MFSD12: variants seen among roughly 807,000 people sequenced by gnomAD.
MFSD12 encodes major facilitator superfamily domain containing 12.
Under a neutral mutation model 51.2 loss-of-function variants are expected in MFSD12, and 67 were observed. The observed-to-expected ratio is 1.31, with a 90% confidence interval of 1.08 to 1.60. The LOEUF is 1.60. MFSD12 is among the 40% of genes most tolerant of loss of function. The pLI is 0.00. For missense variants in MFSD12, 921 were observed against 673.0 expected (o/e 1.37, Z -4.08); for synonymous variants, 441 against 316.7 (o/e 1.39, Z -4.17).
chr19:3,545,032 G>T (rs1023649939), intron 8 of MFSD12, 93 bp from the exon 9 acceptor site: 20 of 1,467,316 alleles, frequency 1.4e-5, no homozygotes, highest in Admixed American at 1.1e-4. Context: ...CCCGACAGCG[G>T]CTCCGTCCTG....
At chr19:3,549,583 G>C (rs190684456) in intron 2 of MFSD12, among the ~76,000 whole-genome samples, 10 of 151,208 alleles carry the variant, frequency 6.6e-5, no homozygotes, top group Admixed American at 2.6e-4. Context: ...ATTAGCCGGG[G>C]GTGGTGGCGG....
chr19:3,540,370 G>C (rs558371172), downstream of MFSD12, among the ~76,000 whole-genome samples: 1 of 151,516 alleles, frequency 6.6e-6, no homozygotes, highest in African/African-American at 2.4e-5. Context: ...CGATTCTCCT[G>C]CCTCAGCCTC....
chr19:3,541,819 TTTGTG>T (rs1468492789), downstream of MFSD12: 1 of 983,308 alleles, frequency 1.0e-6, no homozygotes, highest in Non-Finnish European at 1.2e-6. Flanking sequence ...TGCTGTTTTG[TTTGTG>T]TTGAGACAGA....
At chr19:3,538,921 G>A (rs2030120300) in intron 4 of MFSD12, 1 of 661,832 alleles carries the variant, frequency 1.5e-6, no homozygotes, top group Non-Finnish European at 2.8e-6. Flanking sequence ...CAGACCCCAG[G>A]TGGGGGGTGC....
rs778255735 is a variant in MFSD12 at position 3,548,025 on chromosome 19, C to A, written c.660G>T (p.Leu220=). Residue 220 remains leucine, a synonymous_variant, in exon 4 of 10, where the codon CTG becomes CTT. Transcript: ENST00000355415. ...GGQDVPVFRN[L]SLLVVGVGAV... is the part of the protein sequence containing the mutation. ...CGCCGACACCCACCACCAGCAGGGA[C>A]AGGTTCTGGGGATGCAGCAGAAGCA... 2 of 1,599,870 alleles carry A rather than the reference C, an allele frequency of 1.3e-6. No homozygotes were observed. The highest frequency in any genetic ancestry group is 1.7e-5 in the Admixed American group (1 of 59,372).
At chr19:3,545,929 G>T in intron 8 of MFSD12, 145 bp downstream of exon 8, 4 of 780,344 alleles carry the variant, frequency 5.1e-6, no homozygotes, top group Non-Finnish European at 8.5e-6. Flanking sequence ...GAAAGGAAAG[G>T]TCTCCCCTGC....
At chr19:3,543,871 C>A, downstream of MFSD12, 1 of 1,549,584 alleles carries the variant, frequency 6.5e-7, no homozygotes, top group South Asian at 1.2e-5. Flanking sequence ...CTGTGGAGGG[C>A]ATCAGACTAC....
chr19:3,548,308 ACCTGGGT>A, intron 2 of MFSD12, 41 bp from the exon 3 acceptor site: 5 of 1,540,982 alleles, frequency 3.2e-6, no homozygotes, highest in Non-Finnish European at 4.4e-6. Context: ...GACGCCAGGA[ACCTGGGT>A]CACTTCCTCC....
At chr19:3,542,702 C>T (rs1256445726), downstream of MFSD12, 17 of 1,265,272 alleles carry the variant, frequency 1.3e-5, no homozygotes, top group East Asian at 1.1e-4. Flanking sequence ...AGGCTGGTCT[C>T]GAACTCCTGA....
Position 3,539,050 on chromosome 19 carries a change from A to C in MFSD12, c.*6-294T>G, listed in dbSNP as rs536425992. Reference sequence around the variant, plus strand: ...GAACGACTCTCCAGCCCTTCCCTCGAGGCCACCTCACCCCGCAGCTGGGAG... The same window carrying C: ...GAACGACTCTCCAGCCCTTCCCTCGCGGCCACCTCACCCCGCAGCTGGGAG... On this transcript the variant is annotated intron_variant, in intron 4 of 4. Coordinates refer to the MFSD12 transcript ENST00000398558. The C allele has an allele frequency of 1.2e-4, 78 of 658,174 alleles. No individual in the cohort carries two copies. The South Asian group carries it at 1.2e-3, about 10-fold the overall frequency. The allele number at this position is 658,174 out of a possible 1,614,324, so 40.8% of individuals were successfully genotyped here.
intron 6 of MFSD12, 21 bp downstream of exon 6, chr19:3,547,251 C>T (rs766611639): frequency 1.9e-6 from 3 of 1,604,024 alleles, no homozygotes; most frequent in South Asian, 2.2e-5. Context: ...CCCCAGCTGT[C>T]CCCGGTCCCC....
downstream of MFSD12, chr19:3,543,512 C>T (rs1283744279): frequency 2.2e-5 from 34 of 1,514,924 alleles, no homozygotes; most frequent in Non-Finnish European, 2.7e-5. Flanking sequence ...GCGGGCCTGC[C>T]AGAGGGGGAC....
At chr19:3,556,073 A>C (rs1388746559) in intron 1 of MFSD12, among the ~76,000 whole-genome samples, 1 of 152,156 alleles carries the variant, frequency 6.6e-6, no homozygotes, top group African/African-American at 2.4e-5. Context: ...GAGGCAATGC[A>C]AGAACAGGGC....
intron 1 of MFSD12, among the ~76,000 whole-genome samples, chr19:3,552,440 T>A (rs1211661714): frequency 6.9e-6 from 1 of 145,730 alleles, no homozygotes; most frequent in East Asian, 2.0e-4. Flanking sequence ...AGTGCTGGGA[T>A]TACAGGCGTG....
chr19:3,555,484 A>G (rs2031684913), intron 1 of MFSD12, among the ~76,000 whole-genome samples: 1 of 152,190 alleles, frequency 6.6e-6, no homozygotes, highest in Non-Finnish European at 1.5e-5. Context: ...GGCTCCGCTC[A>G]GCAACCAATC....
At chr19:3,555,895 C>T (rs1238602379) in intron 1 of MFSD12, among the ~76,000 whole-genome samples, 3 of 152,192 alleles carry the variant, frequency 2.0e-5, no homozygotes, top group South Asian at 2.1e-4. Flanking sequence ...GCCCAGGGTC[C>T]GGGAGGGGAG....
At chr19:3,544,988 C>CT (rs1568253155) in intron 8 of MFSD12, 49 bp from the exon 9 acceptor site, 1 of 1,546,438 alleles carries the variant, frequency 6.5e-7, no homozygotes, top group African/African-American at 1.4e-5. Flanking sequence ...ACCACCCCCC[C>CT]GCCACCCAAG....
At chr19:3,544,070 G>A (rs890774838), downstream of MFSD12, 20 of 1,467,382 alleles carry the variant, frequency 1.4e-5, no homozygotes, top group African/African-American at 2.5e-4. Context: ...CACTAACCTA[G>A]TCCCAGGGGA....
intron 8 of MFSD12, among the ~76,000 whole-genome samples, chr19:3,545,245 C>T (rs976155851): frequency 6.6e-6 from 1 of 152,344 alleles, no homozygotes; most frequent in African/African-American, 2.4e-5. Flanking sequence ...CAGCAGCTGT[C>T]CTCCCGGCAG....
Sources: allele counts gnomAD v4.1 joint callset (sites outside exome capture counted in the v4.1 genomes callset), GRCh38; gene constraint gnomAD v4.1.1; transcripts MANE v1.5; gene names NCBI Gene and HGNC (gene_info 2026-07-23, HGNC 2026-07-21).